Variants in RAB8B observed in about 807,000 individuals in gnomAD.
The protein encoded by RAB8B is RAB8B, member RAS oncogene family.
Under a neutral mutation model 32.0 loss-of-function variants are expected in RAB8B, and 11 were observed. The observed-to-expected ratio is 0.34, with a 90% confidence interval of 0.22 to 0.57. The LOEUF (loss-of-function observed/expected upper bound fraction) is 0.57. Ranked by LOEUF, RAB8B falls within the 20% of genes least tolerant of loss-of-function variation. The pLI is 0.86. For synonymous variants in RAB8B, 103 were observed against 89.6 expected, an observed-to-expected ratio of 1.15 and a Z score of -0.85; for missense variants, 190 against 258.5, an observed-to-expected ratio of 0.73 and a Z score of 1.82.
At chr15:63,254,026 G>T (rs942035302) in intron 3 of RAB8B, among the ~76,000 whole-genome samples, 1 of 152,220 alleles carries the variant, frequency 6.6e-6, no homozygotes, top group Non-Finnish European at 1.5e-5. Context: ...GAGTACCCCA[G>T]CCTAGCCCTT....
At chr15:63,249,133 T>C (rs565436125) in intron 2 of RAB8B, among the ~76,000 whole-genome samples, 1 of 152,300 alleles carries the variant, frequency 6.6e-6, no homozygotes, top group East Asian at 1.9e-4. Flanking sequence ...ATGGGCTCCA[T>C]AGCTGAACAA....
At chr15:63,250,083 C>G (rs562086270) in intron 3 of RAB8B, among the ~76,000 whole-genome samples, 1 of 152,276 alleles carries the variant, frequency 6.6e-6, no homozygotes, top group East Asian at 1.9e-4. Context: ...TTGCAGTGAG[C>G]CGAGATTGCG....
intron 1 of RAB8B, among the ~76,000 whole-genome samples, chr15:63,236,589 A>G (rs774674821): frequency 2.0e-5 from 3 of 152,092 alleles, no homozygotes; most frequent in Non-Finnish European, 2.9e-5. Flanking sequence ...TCTCAAAAAG[A>G]CTTTTGAAAT....
chr15:63,242,713 A>G (rs2038042497), intron 1 of RAB8B, among the ~76,000 whole-genome samples: 1 of 152,136 alleles, frequency 6.6e-6, no homozygotes, highest in African/African-American at 2.4e-5. Context: ...GTTAATGTTT[A>G]AGTCAATTTA....
intron 1 of RAB8B, among the ~76,000 whole-genome samples, chr15:63,193,964 C>T (rs763465968): frequency 4.6e-5 from 7 of 152,242 alleles, no homozygotes; most frequent in East Asian, 1.9e-4. Context: ...GGCATACCGA[C>T]GTCTTGAAAT....
chr15:63,214,085 G>GAA (rs5813199), intron 1 of RAB8B, among the ~76,000 whole-genome samples: 3 of 147,726 alleles, frequency 2.0e-5, no homozygotes, highest in Admixed American at 6.7e-5. Context: ...TGTCTCAGGG[G>GAA]AAAAAAAAAA....
chr15:63,208,287 G>C (rs74022455), intron 1 of RAB8B, among the ~76,000 whole-genome samples: 1 of 152,064 alleles, frequency 6.6e-6, no homozygotes, highest in Non-Finnish European at 1.5e-5. Flanking sequence ...CCAGTGTAAG[G>C]GTTTTAGAGG....
intron 5 of RAB8B, among the ~76,000 whole-genome samples, chr15:63,258,601 A>G (rs2038177155): frequency 6.6e-6 from 1 of 152,206 alleles, no homozygotes; most frequent in Admixed American, 6.5e-5. Flanking sequence ...CCACAAATTT[A>G]TCGAAATGAA....
At chr15:63,221,372 G>A (rs911164259) in intron 1 of RAB8B, among the ~76,000 whole-genome samples, 1 of 152,286 alleles carries the variant, frequency 6.6e-6, no homozygotes, top group Non-Finnish European at 1.5e-5. Context: ...AAGCTATACT[G>A]TATGTATTAT....
intron 1 of RAB8B, among the ~76,000 whole-genome samples, chr15:63,195,867 A>C (rs1053860226): frequency 6.6e-6 from 1 of 152,218 alleles, no homozygotes; most frequent in Non-Finnish European, 1.5e-5. Context: ...CAGAAATGCA[A>C]GTAGCCACGG....
intron 1 of RAB8B, among the ~76,000 whole-genome samples, chr15:63,193,780 C>T (rs1274866134): frequency 1.3e-5 from 2 of 152,006 alleles, no homozygotes; most frequent in East Asian, 3.8e-4. Flanking sequence ...CACTGCATTC[C>T]AGCCTGGGCG....
chr15:63,228,845 G>A (rs374982790), intron 1 of RAB8B, among the ~76,000 whole-genome samples: 7 of 152,164 alleles, frequency 4.6e-5, no homozygotes, highest in South Asian at 2.1e-4. Flanking sequence ...TACTATTTTC[G>A]CTATTGTATG....
intron 3 of RAB8B, among the ~76,000 whole-genome samples, chr15:63,251,535 G>A (rs917827598): frequency 5.3e-5 from 8 of 152,108 alleles, no homozygotes; most frequent in Non-Finnish European, 1.2e-4. Flanking sequence ...AAGAGGGCAT[G>A]GAAATGTATT....
intron 3 of RAB8B, among the ~76,000 whole-genome samples, chr15:63,250,775 C>G (rs2038111331): frequency 6.7e-6 from 1 of 150,180 alleles, no homozygotes; most frequent in South Asian, 2.1e-4. Flanking sequence ...ATGATGAAAT[C>G]TAGTATGCTC....
chr15:63,231,788 T>A (rs1437226703), intron 1 of RAB8B, among the ~76,000 whole-genome samples: 2 of 152,208 alleles, frequency 1.3e-5, no homozygotes, highest in Admixed American at 6.5e-5. Flanking sequence ...TTCTGAACTT[T>A]CATTCTTTAA....
At chr15:63,249,547 C>A in intron 2 of RAB8B, 98 bp from the exon 3 acceptor site, 1 of 1,150,390 alleles carries the variant, frequency 8.7e-7, no homozygotes, top group Non-Finnish European at 1.3e-6. Flanking sequence ...GACCACTGCA[C>A]CCTGAGCAGA....
chr15:63,202,621 T>C (rs769523392), intron 1 of RAB8B, among the ~76,000 whole-genome samples: 14 of 152,258 alleles, frequency 9.2e-5, no homozygotes, highest in Non-Finnish European at 2.1e-4. Flanking sequence ...TGGTTTGTTA[T>C]GCTTGTATGC....
rs142599524 is a variant in RAB8B at position 63,191,545 on chromosome 15, C to G, written c.124+1797C>G. Reference sequence around the variant, plus strand: ...GTATATTCCTAAGATTTGGTGGTAGCTGCTGGTACAGCAACTAAAGGGTGT... The same window carrying G: ...GTATATTCCTAAGATTTGGTGGTAGGTGCTGGTACAGCAACTAAAGGGTGT... On this transcript the variant is annotated intron_variant, in intron 1 of 7. Coordinates refer to ENST00000321437, the MANE Select transcript of RAB8B (RefSeq NM_016530.3). 3.1e-3 allele frequency among the ~76,000 whole-genome samples: 466 copies of G among 152,332 alleles called. 6 individuals are homozygous for G. Among genetic ancestry groups the G allele is most frequent in the African/African-American group, 0.011 (453 of 41,564 alleles).
chr15:63,207,458 T>C (rs567195687), intron 1 of RAB8B, among the ~76,000 whole-genome samples: 30 of 152,290 alleles, frequency 2.0e-4, no homozygotes, highest in African/African-American at 6.5e-4. Flanking sequence ...TCTAGTACCC[T>C]TTCATGAATT....
Sources: gnomAD v4.1 joint callset for allele counts (sites outside exome capture counted in the v4.1 genomes callset) on GRCh38, gnomAD v4.1.1 for gene constraint, MANE v1.5 for transcripts, NCBI Gene and HGNC (gene_info 2026-07-23, HGNC 2026-07-21) for gene names.